Variants in VTCN1 observed in about 807,000 individuals in gnomAD.
VTCN1 encodes V-set domain containing T cell activation inhibitor 1.
Under a neutral mutation model 26.5 loss-of-function variants are expected in VTCN1, and 26 were observed. The ratio of observed to expected loss-of-function variants is 0.98; its 90% CI spans 0.72 to 1.36. The LOEUF (loss-of-function observed/expected upper bound fraction) is 1.36. Among genes scored for constraint, VTCN1 ranks in the 40% most tolerant of loss-of-function variants. VTCN1 has a pLI of 0.00. For missense variants in VTCN1, 298 were observed against 337.7 expected (o/e 0.88, Z 0.92); for synonymous variants, 116 against 130.7 (o/e 0.89, Z 0.77).
chr1:117,170,491 T>C (rs1014495666), intron 1 of VTCN1, among the ~76,000 whole-genome samples: 2 of 152,218 alleles, frequency 1.3e-5, no homozygotes, highest in Non-Finnish European at 2.9e-5. Flanking sequence ...ATTTCTTTAA[T>C]GCCAGGTGCC....
chr1:117,168,293 C>T (rs548584912), intron 2 of VTCN1, among the ~76,000 whole-genome samples: 13 of 152,250 alleles, frequency 8.5e-5, no homozygotes, highest in East Asian at 1.9e-4. Flanking sequence ...ACGACCATGA[C>T]GGTACTGAAG....
intron 1 of VTCN1, chr1:117,173,365 AACACACACACACAC>A: frequency 2.6e-6 from 1 of 383,122 alleles, no homozygotes; most frequent in South Asian, 4.4e-5. Flanking sequence ...GACACAGATG[AACACACACACACAC>A]ACACACACAC....
chr1:117,168,381 C>T (rs1652721504), intron 2 of VTCN1, among the ~76,000 whole-genome samples: 1 of 152,078 alleles, frequency 6.6e-6, no homozygotes, highest in South Asian at 2.1e-4. Flanking sequence ...GAATCTTGAC[C>T]CCTCTCTTGT....
intron 1 of VTCN1, among the ~76,000 whole-genome samples, chr1:117,197,623 CTG>C (rs1164018331): frequency 1.3e-5 from 2 of 152,182 alleles, no homozygotes; most frequent in Non-Finnish European, 2.9e-5. Context: ...CCTGAAAACT[CTG>C]TAACAGGGCT....
At chr1:117,209,114 G>A (rs41490749) in intron 1 of VTCN1, among the ~76,000 whole-genome samples, 18,838 of 152,200 alleles carry the variant, frequency 0.12, 1,347 homozygotes, top group Non-Finnish European at 0.17. Flanking sequence ...ATGGACAGTC[G>A]CTGCTTCTGA....
At position 117,204,841 on chromosome 1, in the gene VTCN1, GGGCAAC is replaced by G. The variant is rs1162408796; in HGVS notation, c.32+5977_32+5982del. 4.8e-4 allele frequency among the ~76,000 whole-genome samples: 3 copies of G among 6,228 alleles called. No individual in the cohort carries two copies. In the Non-Finnish European group the frequency reaches 0.045, roughly 94 times the overall value. The allele number at this position is 6,228 out of a possible 152,430, so 4.1% of individuals were successfully genotyped here. A position where few individuals can be genotyped will look rare whatever the true frequency, so the allele number is the denominator to read the frequency against. ...AGATCACACCACTGTACTCCAGCCT[GGGCAAC>G]AGAGCGAGACTCTGTCTCACAAAAA... On this transcript the variant is annotated intron_variant, in intron 1 of 5. Coordinates refer to ENST00000369458, the MANE Select transcript of VTCN1 (RefSeq NM_024626.4).
At chr1:117,186,607 T>C (rs1390459356) in intron 1 of VTCN1, among the ~76,000 whole-genome samples, 2 of 152,204 alleles carry the variant, frequency 1.3e-5, no homozygotes, top group Non-Finnish European at 2.9e-5. Flanking sequence ...GGATAAGAGA[T>C]AGAATGCAGG....
chr1:117,157,930 G>A (rs1457879651), intron 2 of VTCN1, among the ~76,000 whole-genome samples: 10 of 152,096 alleles, frequency 6.6e-5, no homozygotes, highest in Admixed American at 3.9e-4. Context: ...TAGTTACAGG[G>A]CCTATGCAAG....
At chr1:117,153,414 C>T (rs746384527) in intron 3 of VTCN1, 45 bp from the exon 4 acceptor site, 38 of 1,557,586 alleles carry the variant, frequency 2.4e-5, no homozygotes, top group Middle Eastern at 3.5e-4. Context: ...AAGTCAGACA[C>T]GTAAGACAAT....
intron 3 of VTCN1, among the ~76,000 whole-genome samples, chr1:117,154,808 G>GAAAAGAAAA (rs1452337083): frequency 7.2e-6 from 1 of 139,184 alleles, no homozygotes; most frequent in Non-Finnish European, 1.6e-5. Flanking sequence ...AAAAAAGAAA[G>GAAAAGAAAA]AAAAGAAAAA....
chr1:117,158,898 G>A (rs1652227557), intron 2 of VTCN1, among the ~76,000 whole-genome samples: 1 of 152,124 alleles, frequency 6.6e-6, no homozygotes, highest in African/African-American at 2.4e-5. Context: ...CTCGAGGGCA[G>A]GGGCAAAACA....
intron 4 of VTCN1, among the ~76,000 whole-genome samples, chr1:117,150,938 T>G (rs1209039033): frequency 1.3e-5 from 2 of 152,226 alleles, no homozygotes; most frequent in African/African-American, 4.8e-5. Flanking sequence ...TCATAGCATA[T>G]GATAGGATTT....
chr1:117,188,450 G>C (rs1648075071), intron 1 of VTCN1, among the ~76,000 whole-genome samples: 1 of 152,166 alleles, frequency 6.6e-6, no homozygotes, highest in South Asian at 2.1e-4. Flanking sequence ...GGCAATATCA[G>C]GCAATTGAAG....
At chr1:117,166,200 G>T (rs573038912) in intron 2 of VTCN1, among the ~76,000 whole-genome samples, 235 of 152,236 alleles carry the variant, frequency 1.5e-3, no homozygotes, top group African/African-American at 5.5e-3. Context: ...GGTGGCTGTC[G>T]CTATGCAACA....
chr1:117,156,998 C>CCAGA (rs772089682), intron 2 of VTCN1, 77 bp from the exon 3 acceptor site: 1 of 1,607,550 alleles, frequency 6.2e-7, no homozygotes, highest in East Asian at 2.2e-5. Context: ...TTGCTGAAAG[C>CCAGA]CAGACAGAGA....
chr1:117,180,834 T>C lies in VTCN1; in HGVS notation c.33-10663A>G, dbSNP rs549813734. On this transcript the variant is annotated intron_variant, in intron 1 of 5. Coordinates refer to ENST00000369458, the MANE Select transcript of VTCN1 (RefSeq NM_024626.4). ...CACCTCTCCTCCTCCAGCCCAGCCATAGATAAGGGCAGGAGCACTGCTCAG... is the reference window on the plus strand; with the variant it reads ...CACCTCTCCTCCTCCAGCCCAGCCACAGATAAGGGCAGGAGCACTGCTCAG... Among the ~76,000 whole-genome samples, 4 of 152,334 alleles carry C rather than the reference T, an allele frequency of 2.6e-5. No individual in the cohort carries two copies. In the South Asian group the frequency reaches 8.3e-4, roughly 32 times the overall value.
At chr1:117,151,607 T>C (rs1288920676) in intron 4 of VTCN1, among the ~76,000 whole-genome samples, 1 of 152,206 alleles carries the variant, frequency 6.6e-6, no homozygotes, top group Non-Finnish European at 1.5e-5. Context: ...TACAGAGTGC[T>C]GATTGGTGCA....
chr1:117,202,318 G>A (rs1047753227), intron 1 of VTCN1, among the ~76,000 whole-genome samples: 2 of 152,144 alleles, frequency 1.3e-5, no homozygotes, highest in Non-Finnish European at 1.5e-5. Context: ...CCAGCAACCG[G>A]GTATAGAGAA....
chr1:117,190,620 A>G (rs1648198262), intron 1 of VTCN1, among the ~76,000 whole-genome samples: 1 of 152,212 alleles, frequency 6.6e-6, no homozygotes, highest in Non-Finnish European at 1.5e-5. Context: ...ACTCCTCCAG[A>G]CAGGATCCAT....
Sources: gnomAD v4.1 joint callset for allele counts (sites outside exome capture counted in the v4.1 genomes callset) on GRCh38, gnomAD v4.1.1 for gene constraint, MANE v1.5 for transcripts, NCBI Gene and HGNC (gene_info 2026-07-23, HGNC 2026-07-21) for gene names.